Variants in STK39 observed in about 807,000 individuals in gnomAD.
The protein encoded by STK39 is STE20/SPS1-related proline-alanine-rich protein kinase.
STK39 carries 20 observed loss-of-function variants against 77.8 expected under a neutral mutation model. The observed-to-expected ratio is 0.26, with a 90% CI of 0.18 to 0.37. The LOEUF (loss-of-function observed/expected upper bound fraction) is 0.37, where lower values mean the gene tolerates loss of function less well. Ranked by LOEUF, STK39 falls within the 10% of genes least tolerant of loss-of-function variation. STK39 has a pLI of 1.00. For synonymous variants in STK39, 246 were observed against 234.1 expected (o/e 1.05, Z -0.47); for missense variants, 479 against 656.5 (o/e 0.73, Z 2.95).
intron 16 of STK39, among the ~76,000 whole-genome samples, chr2:168,000,810 A>G (rs2105296963): frequency 6.6e-6 from 1 of 152,334 alleles, no homozygotes; most frequent in South Asian, 2.1e-4. Flanking sequence ...CCAGTCAACA[A>G]TCACAAACTG....
chr2:168,147,076 G>A (rs1236108959), intron 5 of STK39, among the ~76,000 whole-genome samples: 1 of 152,190 alleles, frequency 6.6e-6, no homozygotes, highest in Non-Finnish European at 1.5e-5. Flanking sequence ...AATGCAAAAT[G>A]CAATAATGGG....
chr2:168,236,367 G>T (rs1182080618), intron 1 of STK39, among the ~76,000 whole-genome samples: 1 of 152,156 alleles, frequency 6.6e-6, no homozygotes, highest in Non-Finnish European at 1.5e-5. Flanking sequence ...TGTCAGATGA[G>T]TAGATTGCAA....
chr2:168,206,053 C>A (rs1472705811), intron 1 of STK39, among the ~76,000 whole-genome samples: 1 of 152,124 alleles, frequency 6.6e-6, no homozygotes, highest in Non-Finnish European at 1.5e-5. Flanking sequence ...TCATATAACT[C>A]TACTAGTCCT....
At chr2:168,242,330 G>A (rs1201250522) in intron 1 of STK39, among the ~76,000 whole-genome samples, 1 of 151,510 alleles carries the variant, frequency 6.6e-6, no homozygotes, top group Non-Finnish European at 1.5e-5. Context: ...GGGAGGCTGA[G>A]GCAGGCGGGT....
At chr2:167,961,020 G>C (rs1469210018) in intron 17 of STK39, among the ~76,000 whole-genome samples, 2 of 152,144 alleles carry the variant, frequency 1.3e-5, no homozygotes, top group African/African-American at 2.4e-5. Flanking sequence ...TCAGTCTGGG[G>C]GCCACATGTG....
chr2:168,042,582 T>C (rs1685135609), intron 14 of STK39, among the ~76,000 whole-genome samples: 1 of 151,016 alleles, frequency 6.6e-6, no homozygotes, highest in African/African-American at 2.4e-5. Context: ...TCCTTCTTTT[T>C]TTTTTTTTTT....
At chr2:168,136,848 T>C (rs1687854179) in intron 8 of STK39, among the ~76,000 whole-genome samples, 1 of 152,200 alleles carries the variant, frequency 6.6e-6, no homozygotes, top group Non-Finnish European at 1.5e-5. Flanking sequence ...ACAAGCCCTA[T>C]GAATCAAATA....
chr2:168,027,137 T>C (rs1236304631), intron 14 of STK39, among the ~76,000 whole-genome samples: 1 of 152,170 alleles, frequency 6.6e-6, no homozygotes, highest in Non-Finnish European at 1.5e-5. Flanking sequence ...TTGTGCCCTC[T>C]ATCTGTGGCT....
chr2:168,141,407 C>A (rs1174276807), intron 5 of STK39, among the ~76,000 whole-genome samples: 1 of 152,102 alleles, frequency 6.6e-6, no homozygotes, highest in Non-Finnish European at 1.5e-5. Context: ...ACCTCACATT[C>A]AAAAAGTTTC....
intron 10 of STK39, among the ~76,000 whole-genome samples, chr2:168,089,084 G>A (rs2105429861): frequency 6.6e-6 from 1 of 152,186 alleles, no homozygotes; most frequent in South Asian, 2.1e-4. Context: ...CAGTGACCAA[G>A]GGTACCTCCC....
At chr2:168,164,229 GA>G (rs1346708615) in intron 3 of STK39, among the ~76,000 whole-genome samples, 2 of 152,230 alleles carry the variant, frequency 1.3e-5, no homozygotes, top group African/African-American at 4.8e-5. Flanking sequence ...AACTGACAAA[GA>G]AAGGAGTATG....
chr2:168,131,358 C>T (rs1327594879), intron 8 of STK39, among the ~76,000 whole-genome samples: 1 of 152,038 alleles, frequency 6.6e-6, no homozygotes, highest in Non-Finnish European at 1.5e-5. Flanking sequence ...GCAACAATTA[C>T]CAAACGCACA....
chr2:167,993,197 C>T (rs1480284599), intron 16 of STK39, among the ~76,000 whole-genome samples: 1 of 152,170 alleles, frequency 6.6e-6, no homozygotes, highest in Non-Finnish European at 1.5e-5. Flanking sequence ...ATAGAGCTGG[C>T]AGTGTGCATG....
chr2:168,246,909 T>TGCG (rs906188089), intron 1 of STK39, among the ~76,000 whole-genome samples: 12 of 151,874 alleles, frequency 7.9e-5, no homozygotes, highest in East Asian at 3.9e-4. Context: ...GGGAGGAAGA[T>TGCG]GCGGCGGCGC....
At chr2:168,083,148 A>G (rs758227872) in intron 10 of STK39, among the ~76,000 whole-genome samples, 1 of 151,642 alleles carries the variant, frequency 6.6e-6, no homozygotes, top group Non-Finnish European at 1.5e-5. Context: ...AGTTATGTAC[A>G]TGTCACATAT....
At chr2:168,084,113 C>T (rs1686308178) in intron 10 of STK39, among the ~76,000 whole-genome samples, 2 of 152,026 alleles carry the variant, frequency 1.3e-5, no homozygotes, top group South Asian at 4.1e-4. Flanking sequence ...GTTCACACCC[C>T]TGTTGTACAC....
At chr2:168,008,535 C>T (rs570131314) in intron 16 of STK39, among the ~76,000 whole-genome samples, 13 of 152,110 alleles carry the variant, frequency 8.5e-5, no homozygotes, top group East Asian at 1.9e-4. Flanking sequence ...CAAGTGAAGA[C>T]GCTAAAAGGG....
intron 10 of STK39, among the ~76,000 whole-genome samples, chr2:168,112,277 T>C (rs1338992117): frequency 6.6e-6 from 1 of 152,102 alleles, no homozygotes; most frequent in African/African-American, 2.4e-5. Context: ...TTGGGACTCC[T>C]AAGGTTCTTC....
chr2:167,986,023 C>T (rs1012127900), intron 16 of STK39, among the ~76,000 whole-genome samples: 1 of 152,140 alleles, frequency 6.6e-6, no homozygotes, highest in African/African-American at 2.4e-5. Context: ...TCTAAGTCTC[C>T]ACTAATATTT....
Sources: gnomAD v4.1 joint callset for allele counts (sites outside exome capture counted in the v4.1 genomes callset) on GRCh38, gnomAD v4.1.1 for gene constraint, MANE v1.5 for transcripts, NCBI Gene and HGNC (gene_info 2026-07-23, HGNC 2026-07-21) for gene names.